Variants in ZNF732 observed in about 807,000 individuals in gnomAD.
ZNF732 encodes zinc finger protein LOC654254.
ZNF732 carries 12 observed loss-of-function variants against 11.5 expected under a neutral mutation model. That is an observed-to-expected ratio of 1.05 (90% CI 0.67 to 1.70). The LOEUF (loss-of-function observed/expected upper bound fraction) is 1.70. Among genes scored for constraint, ZNF732 ranks in the 40% most tolerant of loss-of-function variants. The pLI is 0.00. For synonymous variants in ZNF732, 231 were observed against 236.5 expected, an observed-to-expected ratio of 0.98 and a Z score of 0.21; for missense variants, 702 against 676.9, an observed-to-expected ratio of 1.04 and a Z score of -0.41.
Position 277,018 on chromosome 4 carries a change from A to C in ZNF732, c.227-4388T>G, listed in dbSNP as rs545846797. Among the ~76,000 whole-genome samples the C allele has an allele frequency of 2.0e-5, 3 of 152,154 alleles. No individual in the cohort carries two copies. In the South Asian group the frequency reaches 6.2e-4, roughly 32 times the overall value. ...CTGAACCTAGAACCAAGTGATTTTCAACAAAAATGTCAAGAACTCACATTT... is the reference window on the plus strand; with the variant it reads ...CTGAACCTAGAACCAAGTGATTTTCCACAAAAATGTCAAGAACTCACATTT... On this transcript the variant is annotated intron_variant, in intron 3 of 3. Coordinates refer to ENST00000419098, the MANE Select transcript of ZNF732 (RefSeq NM_001137608.3).
Position 296,092 on chromosome 4 carries a change from G to T in ZNF732, c.67C>A (p.Pro23Thr), listed in dbSNP as rs782530299. ...TCTCTATACAAATTCTGCTGGGCAG[G>T]GTCCAGGCATTTCCACTCTTCTGGA... ...FSPEEWKCLD[P>T]AQQNLYRDVM... Residue 23 changes from proline (P) to threonine (T), a missense_variant, in exon 2 of 4, where the codon CCT becomes ACT. By Grantham distance (38) the Pro-to-Thr change is conservative. This residue lies in a region of ZNF732 where 596 missense variants were observed against 557.9 expected (regional missense o/e 1.07). Transcript: ENST00000419098. 1.9e-6 allele frequency: 3 copies of T among 1,613,832 alleles called. No homozygotes were observed. Among genetic ancestry groups the T allele is most frequent in the Admixed American group, 1.7e-5 (1 of 59,964 alleles).
rs1213987641 is a variant in ZNF732 at position 272,047 on chromosome 4, T to C, written c.810A>G (p.Arg270=). Residue 270 remains arginine, a synonymous_variant, in exon 4 of 4, where the codon AGA becomes AGG. Coordinates refer to ENST00000419098, the MANE Select transcript of ZNF732 (RefSeq NM_001137608.3). The part of the protein sequence containing the change: ...NRSSTLTKHK[R]IHAEEKPFTC... ...TGAAGGGTTTCTCTTCAGCATGAAT[T>C]CTCTTATGCTTAGTAAGGGTTGAGG... 6.2e-6 allele frequency: 10 copies of C among 1,610,676 alleles called. No individual in the cohort carries two copies. Among genetic ancestry groups the C allele is most frequent in the Non-Finnish European group, 8.5e-6 (10 of 1,178,216 alleles).
At chr4:298,823 T>C (rs1243646873) in intron 1 of ZNF732, among the ~76,000 whole-genome samples, 2 of 152,144 alleles carry the variant, frequency 1.3e-5, no homozygotes, top group Non-Finnish European at 2.9e-5. Context: ...CGGGGAGGCA[T>C]TGTTGTGACT....
At chr4:272,773 A>G (rs937661170) in intron 3 of ZNF732, 143 bp from the exon 4 acceptor site, 27 of 822,370 alleles carry the variant, frequency 3.3e-5, no homozygotes, top group Non-Finnish European at 4.7e-5. Flanking sequence ...ACAGACATAT[A>G]TATGTAACAA....
At chr4:286,609 C>T (rs1414056828) in intron 3 of ZNF732, among the ~76,000 whole-genome samples, 1 of 152,192 alleles carries the variant, frequency 6.6e-6, no homozygotes, top group Non-Finnish European at 1.5e-5. Flanking sequence ...TGCTTAGAAA[C>T]AGACTAAACT....
chr4:303,404 G>A (rs1720156989), intron 1 of ZNF732, among the ~76,000 whole-genome samples: 1 of 152,152 alleles, frequency 6.6e-6, no homozygotes, highest in African/African-American at 2.4e-5. Flanking sequence ...AACACCTGAG[G>A]TAAGGAGTTC....
chr4:279,590 G>A (rs1719576515), intron 3 of ZNF732, among the ~76,000 whole-genome samples: 1 of 152,066 alleles, frequency 6.6e-6, no homozygotes, highest in African/African-American at 2.4e-5. Context: ...TGTTTATGAG[G>A]TATGAACTTT....
At chr4:298,401 G>C (rs1373701920) in intron 1 of ZNF732, among the ~76,000 whole-genome samples, 2 of 150,502 alleles carry the variant, frequency 1.3e-5, no homozygotes, top group African/African-American at 4.9e-5. Context: ...TTGAGTCTCC[G>C]GATCTCACTT....
intron 3 of ZNF732, among the ~76,000 whole-genome samples, chr4:292,471 C>T (rs575000866): frequency 1.5e-3 from 220 of 150,830 alleles, no homozygotes; most frequent in African/African-American, 5.2e-3. Flanking sequence ...GCAGAAGAAT[C>T]ACTTGATCCC....
intron 3 of ZNF732, among the ~76,000 whole-genome samples, chr4:287,487 TTA>T (rs1553840755): frequency 6.6e-6 from 1 of 152,026 alleles, no homozygotes; most frequent in East Asian, 1.9e-4. Context: ...AGTGCTAGGA[TTA>T]CAGGCGTGAG....
At chr4:276,909 A>G (rs6824248) in intron 3 of ZNF732, among the ~76,000 whole-genome samples, 2,190 of 151,862 alleles carry the variant, frequency 0.014, 64 homozygotes, top group African/African-American at 0.051. Context: ...TGACTCCAAA[A>G]TATACTATAA....
In ZNF732 at chr4:271,656, G is replaced by T. The variant is rs548117508; in HGVS notation, c.1201C>A (p.Arg401=). 2.5e-6 allele frequency: 4 copies of T among 1,608,164 alleles called. No individual in the cohort carries two copies. Among genetic ancestry groups the T allele is most frequent in the Non-Finnish European group, 3.4e-6 (4 of 1,177,692 alleles). ...TTATGTTCATTAAGGGTTGTGAACC[G>T]ACTAAAGGCTTTTCCACATTCTTCA... ...TCEECGKAFS[R]FTTLNEHKRI... is the part of the protein sequence containing the mutation. The change falls in exon 4 of 4, where the codon CGG becomes AGG. Residue 401 remains arginine (R), a synonymous_variant. Transcript: ENST00000419098.
At chr4:282,223 G>A (rs1180757125) in intron 3 of ZNF732, among the ~76,000 whole-genome samples, 1 of 152,176 alleles carries the variant, frequency 6.6e-6, no homozygotes, top group Non-Finnish European at 1.5e-5. Context: ...AAGATGTAAA[G>A]TGTGACATAA....
At position 298,417 on chromosome 4, in the gene ZNF732, C is replaced by CAA. The variant is rs202047871; in HGVS notation, c.4-2264_4-2263dup. Among the ~76,000 whole-genome samples the CAA allele has an allele frequency of 3.8e-4, 56 of 146,170 alleles. No homozygotes were observed. In the East Asian group the frequency reaches 7.3e-3, roughly 19 times the overall value. On this transcript the variant is annotated intron_variant, in intron 1 of 3. Transcript: ENST00000419098. ...TGAGTCTCCGGATCTCACTTTTCACCAAAAAAAAAAACTAGAAACCTGGAG... is the reference window on the plus strand; with the variant it reads ...TGAGTCTCCGGATCTCACTTTTCACCAAAAAAAAAAAAACTAGAAACCTGGAG...
intron 3 of ZNF732, among the ~76,000 whole-genome samples, chr4:284,478 A>G (rs1719686046): frequency 6.6e-6 from 1 of 152,164 alleles, no homozygotes; most frequent in African/African-American, 2.4e-5. Context: ...AATCTCAAAC[A>G]CTGTAACTTT....
rs571599361 is a variant in ZNF732 at position 280,280 on chromosome 4, A to T, written c.227-7650T>A. On this transcript the variant is annotated intron_variant, in intron 3 of 3. Coordinates refer to ENST00000419098, the MANE Select transcript of ZNF732 (RefSeq NM_001137608.3). The stretch of plus-strand genomic sequence containing the variant: ...CAGCATTTTGAATCTTTGACATGCA[A>T]TGTACAGCAGTAAGAAAAAAAAAAA... 4.0e-5 allele frequency among the ~76,000 whole-genome samples: 5 copies of T among 125,926 alleles called. No individual in the cohort carries two copies. In the Admixed American group the frequency reaches 4.6e-4, roughly 12 times the overall value. The allele number at this position is 125,926 out of a possible 152,430, so 82.6% of individuals were successfully genotyped here.
chr4:279,508 C>T (rs1047320657), intron 3 of ZNF732, among the ~76,000 whole-genome samples: 2 of 150,706 alleles, frequency 1.3e-5, no homozygotes, highest in African/African-American at 4.9e-5. Flanking sequence ...ATATAAAAAT[C>T]AGTCAAAATT....
At chr4:272,950 A>C (rs996817136) in intron 3 of ZNF732, among the ~76,000 whole-genome samples, 29 of 152,250 alleles carry the variant, frequency 1.9e-4, no homozygotes, top group Admixed American at 6.5e-4. Context: ...CATTAGAAGT[A>C]AACTGTCAAC....
At chr4:287,495 G>GT (rs1560161074) in intron 3 of ZNF732, among the ~76,000 whole-genome samples, 1 of 152,018 alleles carries the variant, frequency 6.6e-6, no homozygotes, top group African/African-American at 2.4e-5. Flanking sequence ...GATTACAGGC[G>GT]TGAGTCATCG....
Sources: gnomAD v4.1 joint callset for allele counts (sites outside exome capture counted in the v4.1 genomes callset) on GRCh38, gnomAD v4.1.1 for gene constraint, gnomAD v4.1.1 regional missense constraint, MANE v1.5 for transcripts, NCBI Gene and HGNC (gene_info 2026-07-23, HGNC 2026-07-21) for gene names.